ADAMTS20: variants seen among roughly 807,000 people sequenced by gnomAD.
The protein encoded by ADAMTS20 is A disintegrin and metalloproteinase with thrombospondin motifs 20.
A neutral mutation model predicts 260.1 loss-of-function variants in ADAMTS20; 225 were observed. The ratio of observed to expected loss-of-function variants is 0.87; its 90% CI spans 0.78 to 0.97. The LOEUF (loss-of-function observed/expected upper bound fraction) is 0.97, where lower values mean the gene tolerates loss of function less well. Ranked by LOEUF, ADAMTS20 falls within the 50% of genes least tolerant of loss-of-function variation. The pLI is 0.00. For missense variants in ADAMTS20, 2,400 were observed against 2,337.7 expected (o/e 1.03, Z -0.55); for synonymous variants, 802 against 769.5 (o/e 1.04, Z -0.70).
At chr12:43,412,149 T>C (rs1005568890) in intron 28 of ADAMTS20, among the ~76,000 whole-genome samples, 11 of 152,226 alleles carry the variant, frequency 7.2e-5, no homozygotes, top group South Asian at 2.1e-4. Flanking sequence ...CAAACTTGTA[T>C]ATACAGAGTT....
At chr12:43,369,487 A>G (rs1940060656) in intron 36 of ADAMTS20, 106 bp from the exon 37 acceptor site, 2 of 424,612 alleles carry the variant, frequency 4.7e-6, no homozygotes, top group South Asian at 1.1e-4. Flanking sequence ...ACATATTTAT[A>G]TATTAATTTT....
intron 14 of ADAMTS20, among the ~76,000 whole-genome samples, 183 bp downstream of exon 14, chr12:43,452,087 TGACA>T (rs1002518889): frequency 2.0e-5 from 3 of 152,146 alleles, no homozygotes; most frequent in African/African-American, 7.2e-5. Flanking sequence ...GCATTCTTGA[TGACA>T]GAGAATTCCC....
chr12:43,515,806 C>T (rs1362082418), intron 3 of ADAMTS20, among the ~76,000 whole-genome samples: 1 of 151,996 alleles, frequency 6.6e-6, no homozygotes, highest in Non-Finnish European at 1.5e-5. Context: ...TAGATGTTGA[C>T]AAAAGTAGGA....
At chr12:43,401,564 C>T (rs1012627272) in intron 28 of ADAMTS20, among the ~76,000 whole-genome samples, 1 of 151,834 alleles carries the variant, frequency 6.6e-6, no homozygotes, top group African/African-American at 2.4e-5. Context: ...GAATAGTCTT[C>T]TACTCTATAA....
chr12:43,388,906 C>T (rs901484889), intron 29 of ADAMTS20, among the ~76,000 whole-genome samples: 1 of 152,182 alleles, frequency 6.6e-6, no homozygotes, highest in African/African-American at 2.4e-5. Flanking sequence ...GGCACCCTCT[C>T]ACTGTGTTCT....
At chr12:43,420,750 C>T (rs1941211065) in intron 28 of ADAMTS20, among the ~76,000 whole-genome samples, 1 of 147,168 alleles carries the variant, frequency 6.8e-6, no homozygotes, top group Non-Finnish European at 1.5e-5. Context: ...GCTGCTACTA[C>T]ATGCTCATTT....
intron 2 of ADAMTS20, among the ~76,000 whole-genome samples, chr12:43,546,556 A>G (rs1943442970): frequency 1.3e-5 from 2 of 152,230 alleles, no homozygotes; most frequent in Non-Finnish European, 2.9e-5. Flanking sequence ...CCTGACAAGT[A>G]TATGCCAACT....
chr12:43,456,839 G>A (rs940840959), intron 11 of ADAMTS20, among the ~76,000 whole-genome samples: 1 of 152,124 alleles, frequency 6.6e-6, no homozygotes, highest in Admixed American at 6.6e-5. Flanking sequence ...GGAAGGATGG[G>A]TAGGAACAGG....
At chr12:43,517,435 C>T (rs1943014670) in intron 3 of ADAMTS20, among the ~76,000 whole-genome samples, 1 of 151,922 alleles carries the variant, frequency 6.6e-6, no homozygotes, top group African/African-American at 2.4e-5. Context: ...TAAATGATAT[C>T]ATTTACAATA....
At chr12:43,367,901 T>C (rs1461140666) in intron 37 of ADAMTS20, among the ~76,000 whole-genome samples, 6 of 151,872 alleles carry the variant, frequency 4.0e-5, no homozygotes, top group African/African-American at 1.5e-4. Context: ...CAGATTTGGG[T>C]TCTCCTTACC....
At chr12:43,530,963 G>C (rs1943212949) in intron 3 of ADAMTS20, among the ~76,000 whole-genome samples, 1 of 151,612 alleles carries the variant, frequency 6.6e-6, no homozygotes, top group Admixed American at 6.6e-5. Flanking sequence ...AAACAATGTG[G>C]AATTATCTAG....
chr12:43,545,166 G>A (rs1300082676), intron 2 of ADAMTS20, among the ~76,000 whole-genome samples: 4 of 152,058 alleles, frequency 2.6e-5, no homozygotes, highest in Admixed American at 6.6e-5. Flanking sequence ...TTCCTTACCC[G>A]CAGTAGGGTA....
chr12:43,438,927 T>G (rs1941607162), intron 18 of ADAMTS20, among the ~76,000 whole-genome samples: 1 of 152,238 alleles, frequency 6.6e-6, no homozygotes, highest in Non-Finnish European at 1.5e-5. Flanking sequence ...AACATATATA[T>G]TCATGCATCT....
chr12:43,552,089 C>T lies in ADAMTS20; in HGVS notation c.-168G>A, dbSNP rs1465501138. ...CCTGGGCCGGCTGGTCCAGCCACAC[C>T]GCCTGTCTCCGCTCGCTGAGCCGCT... On this transcript the variant is annotated 5_prime_UTR_variant, in exon 1 of 39. Coordinates refer to ENST00000389420, the MANE Select transcript of ADAMTS20 (RefSeq NM_025003.5). Among the ~76,000 whole-genome samples the T allele has an allele frequency of 6.6e-6, 1 of 152,156 alleles. No homozygotes were observed. Among genetic ancestry groups the T allele is most frequent in the Admixed American group, 6.5e-5 (1 of 15,284 alleles).
chr12:43,484,751 GT>G (rs1476445370), intron 7 of ADAMTS20, among the ~76,000 whole-genome samples: 2 of 152,078 alleles, frequency 1.3e-5, no homozygotes. Flanking sequence ...AAATCAAAAA[GT>G]TTGTAAAATC....
chr12:43,491,762 G>C (rs1942603496), intron 6 of ADAMTS20, among the ~76,000 whole-genome samples: 1 of 152,092 alleles, frequency 6.6e-6, no homozygotes, highest in South Asian at 2.1e-4. Context: ...ATTTTTAAAA[G>C]GAAAGGGAGT....
chr12:43,502,536 G>T, intron 3 of ADAMTS20, 131 bp from the exon 4 acceptor site: 1 of 862,188 alleles, frequency 1.2e-6, no homozygotes, highest in Non-Finnish European at 1.7e-6. Flanking sequence ...AAAGAACAAA[G>T]AGAAATTGTT....
chr12:43,369,299 T>A lies in ADAMTS20; in HGVS notation c.5529A>T (p.Arg1843Ser). The change falls in exon 37 of 39, where the codon AGA becomes AGT. Residue 1843 changes from arginine to serine, a missense_variant. Transcript: ENST00000389420. The stretch of plus-strand genomic sequence containing the variant: ...AACAAATATGAAATACCTGTGGGCA[T>A]CTGAAAGCACTGTAGCAATCTCCAG... ...ATAGDCYSAFRCPQGQFSINL... is the reference protein window; with the variant it reads ...ATAGDCYSAFSCPQGQFSINL... 2 of 1,521,968 alleles carry A rather than the reference T, an allele frequency of 1.3e-6. No individual in the cohort carries two copies. Among genetic ancestry groups the A allele is most frequent in the Non-Finnish European group, 1.8e-6 (2 of 1,137,484 alleles). The allele number at this position is 1,521,968 out of a possible 1,614,324, so 94.3% of individuals were successfully genotyped here.
At chr12:43,479,575 A>G (rs576544932) in intron 7 of ADAMTS20, among the ~76,000 whole-genome samples, 1 of 152,238 alleles carries the variant, frequency 6.6e-6, no homozygotes, top group East Asian at 1.9e-4. Context: ...TTTTTATGTA[A>G]TTCATGAAGC....
Sources: allele counts gnomAD v4.1 joint callset (sites outside exome capture counted in the v4.1 genomes callset), GRCh38; gene constraint gnomAD v4.1.1; transcripts MANE v1.5; gene names NCBI Gene and HGNC (gene_info 2026-07-23, HGNC 2026-07-21).